The following NRXN3 variants were observed in gnomAD, a reference collection of about 807,000 sequenced individuals.
NRXN3 encodes neurexin III.
Under a neutral mutation model 137.6 loss-of-function variants are expected in NRXN3, and 32 were observed. That is an observed-to-expected ratio of 0.23 (90% CI 0.18 to 0.31). The LOEUF (loss-of-function observed/expected upper bound fraction) is 0.31. Among genes scored for constraint, NRXN3 ranks in the 10% least tolerant of loss-of-function variants. NRXN3 has a pLI of 1.00. For missense variants in NRXN3, 1,574 were observed against 2,062.5 expected (o/e 0.76, Z 4.59); for synonymous variants, 798 against 784.5 (o/e 1.02, Z -0.29).
At chr14:79,179,703 T>A (rs2062717255) in intron 15 of NRXN3, among the ~76,000 whole-genome samples, 1 of 152,198 alleles carries the variant, frequency 6.6e-6, no homozygotes, top group African/African-American at 2.4e-5. Flanking sequence ...CCCACATAAT[T>A]TGGTGTCTGC....
At chr14:78,687,052 T>C (rs1162114770) in intron 6 of NRXN3, among the ~76,000 whole-genome samples, 1 of 151,986 alleles carries the variant, frequency 6.6e-6, no homozygotes, top group Non-Finnish European at 1.5e-5. Flanking sequence ...ATTTTAGAAA[T>C]GGGAATTGAT....
chr14:78,552,556 C>T (rs1323338267), intron 4 of NRXN3, among the ~76,000 whole-genome samples: 4 of 152,144 alleles, frequency 2.6e-5, no homozygotes, highest in Non-Finnish European at 5.9e-5. Flanking sequence ...GCCCCAGCTA[C>T]TCAGGAGGCT....
intron 4 of NRXN3, among the ~76,000 whole-genome samples, chr14:78,308,285 A>G (rs2077578594): frequency 6.6e-6 from 1 of 152,094 alleles, no homozygotes; most frequent in Non-Finnish European, 1.5e-5. Flanking sequence ...AATTCTGACA[A>G]TTAATGCTGT....
chr14:79,411,687 A>G (rs2095419692), intron 15 of NRXN3, among the ~76,000 whole-genome samples: 1 of 152,186 alleles, frequency 6.6e-6, no homozygotes, highest in Non-Finnish European at 1.5e-5. Context: ...AGAATCCAGA[A>G]CAATTGGTGT....
chr14:79,247,362 G>C (rs1241641346), intron 15 of NRXN3: 1 of 152,052 alleles, frequency 6.6e-6, no homozygotes, highest in East Asian at 1.9e-4. Context: ...ATCAAGAAGA[G>C]GTTAAGTGAA....
chr14:79,082,962 C>T (rs558549858), intron 15 of NRXN3, among the ~76,000 whole-genome samples: 68 of 152,304 alleles, frequency 4.5e-4, no homozygotes, highest in Admixed American at 9.8e-4. Flanking sequence ...AGGATTGCTA[C>T]ACTACACCAT....
chr14:79,766,691 A>C (rs149076605), intron 19 of NRXN3, among the ~76,000 whole-genome samples: 1 of 152,310 alleles, frequency 6.6e-6, no homozygotes, highest in East Asian at 1.9e-4. Flanking sequence ...TTATGTTAGA[A>C]TTTACATGAG....
intron 15 of NRXN3, among the ~76,000 whole-genome samples, chr14:79,175,295 A>G (rs2092444823): frequency 6.6e-6 from 1 of 152,140 alleles, no homozygotes; most frequent in African/African-American, 2.4e-5. Context: ...TTCTTTTTTA[A>G]AAGACCTGAA....
chr14:79,614,698 G>C (rs2098137256), intron 16 of NRXN3, among the ~76,000 whole-genome samples: 1 of 150,830 alleles, frequency 6.6e-6, no homozygotes, highest in African/African-American at 2.5e-5. Context: ...CCTGTGCCCA[G>C]CAAAATGTTA....
At chr14:78,172,125 C>T (rs988335831) in intron 1 of NRXN3, among the ~76,000 whole-genome samples, 4 of 152,136 alleles carry the variant, frequency 2.6e-5, no homozygotes, top group African/African-American at 4.8e-5. Flanking sequence ...GGAGAGGGGG[C>T]ACTCCTTGTC....
intron 19 of NRXN3, among the ~76,000 whole-genome samples, chr14:79,727,562 A>T (rs1448170416): frequency 2.6e-5 from 4 of 152,070 alleles, no homozygotes; most frequent in Non-Finnish European, 5.9e-5. Flanking sequence ...AATGACTTGT[A>T]TGTTTCAGGT....
intron 15 of NRXN3, among the ~76,000 whole-genome samples, chr14:79,250,759 G>A (rs190968673): frequency 7.4e-4 from 112 of 152,230 alleles, no homozygotes; most frequent in Non-Finnish European, 1.2e-3. Flanking sequence ...GTAACACACA[G>A]GACAGAGAAA....
chr14:78,822,630 G>A (rs543173051), intron 10 of NRXN3, among the ~76,000 whole-genome samples: 61 of 151,324 alleles, frequency 4.0e-4, no homozygotes, highest in Middle Eastern at 3.4e-3. Context: ...AGCCGAGATC[G>A]TGCCACTGGA....
Position 78,658,661 on chromosome 14 carries a change from C to T in NRXN3, c.1221+7335C>T, listed in dbSNP as rs986477549. 1.1e-4 allele frequency among the ~76,000 whole-genome samples: 16 copies of T among 152,308 alleles called. No homozygotes were observed. The South Asian group carries it at 3.3e-3, about 32-fold the overall frequency. ...ATCTGTAAAATGAGGATAGTAATCC[C>T]TGCTAATCCAAATGCACACTACTGT... On this transcript the variant is annotated intron_variant, in intron 6 of 20. Coordinates refer to ENST00000335750, the MANE Select transcript of NRXN3 (RefSeq NM_001330195.2).
intron 15 of NRXN3, among the ~76,000 whole-genome samples, chr14:79,210,449 G>A (rs1248149640): frequency 2.0e-5 from 3 of 152,164 alleles, no homozygotes; most frequent in Non-Finnish European, 4.4e-5. Context: ...TCTATTATAT[G>A]TTCTGGGTAA....
At chr14:78,341,242 C>T (rs990407468) in intron 4 of NRXN3, among the ~76,000 whole-genome samples, 1 of 152,092 alleles carries the variant, frequency 6.6e-6, no homozygotes, top group Non-Finnish European at 1.5e-5. Flanking sequence ...TTGAAAAAGC[C>T]TCCTAGGGCA....
intron 4 of NRXN3, among the ~76,000 whole-genome samples, chr14:78,468,809 A>C (rs17107684): frequency 0.041 from 6,254 of 152,246 alleles, 404 homozygotes; most frequent in African/African-American, 0.14. Flanking sequence ...TCTTGGTGAG[A>C]GGGATCCTGC....
At chr14:79,730,099 C>G (rs899629360) in intron 19 of NRXN3, among the ~76,000 whole-genome samples, 1 of 151,998 alleles carries the variant, frequency 6.6e-6, no homozygotes, top group Non-Finnish European at 1.5e-5. Flanking sequence ...TTTAATGGAC[C>G]GAGGAAGAAG....
At chr14:78,792,257 C>CAAAAAAAAAAAAA (rs140968788) in intron 8 of NRXN3, among the ~76,000 whole-genome samples, 5 of 19,458 alleles carry the variant, frequency 2.6e-4, no homozygotes, top group East Asian at 2.8e-3. Flanking sequence ...AGACTAAAGG[C>CAAAAAAAAAAAAA]AAAAAAAAAA....
Sources: gnomAD v4.1 joint callset for allele counts (sites outside exome capture counted in the v4.1 genomes callset) on GRCh38, gnomAD v4.1.1 for gene constraint, MANE v1.5 for transcripts, NCBI Gene and HGNC (gene_info 2026-07-23, HGNC 2026-07-21) for gene names.